The following TRIO variants were observed in gnomAD, a reference collection of about 807,000 sequenced individuals.
TRIO encodes the protein trio Rho guanine nucleotide exchange factor.
A neutral mutation model predicts 351.9 loss-of-function variants in TRIO; 58 were observed. That is an observed-to-expected ratio of 0.16 (90% confidence interval 0.13 to 0.21). The LOEUF is 0.21. Among genes scored for constraint, TRIO ranks in the 10% least tolerant of loss-of-function variants. TRIO has a pLI of 1.00. For missense variants in TRIO, 3,201 were observed against 4,027.8 expected (o/e 0.79, Z 5.56); for synonymous variants, 1,758 against 1,595.7 (o/e 1.10, Z -2.42).
chr5:14,270,322 C>G (rs2152269263), intron 1 of TRIO, among the ~76,000 whole-genome samples: 1 of 152,296 alleles, frequency 6.6e-6, no homozygotes, highest in African/African-American at 2.4e-5. Flanking sequence ...CAGGCCCCAG[C>G]TATTTATAAT....
chr5:14,502,480 C>CAGA, intron 53 of TRIO, 99 bp from the exon 54 acceptor site: 2 of 1,189,482 alleles, frequency 1.7e-6, no homozygotes, highest in East Asian at 4.8e-5. Context: ...TGCCCGGTGG[C>CAGA]CACGCGCAGC....
intron 34 of TRIO, among the ~76,000 whole-genome samples, chr5:14,426,187 C>T (rs1750624868): frequency 6.6e-6 from 1 of 151,984 alleles, no homozygotes; most frequent in Non-Finnish European, 1.5e-5. Flanking sequence ...TCAGCTTCCT[C>T]ACATGTCCAA....
intron 20 of TRIO, among the ~76,000 whole-genome samples, chr5:14,380,303 G>A (rs145160050): frequency 8.6e-6 from 1 of 115,736 alleles, no homozygotes; most frequent in African/African-American, 5.4e-5. Flanking sequence ...CCTCCTTCGC[G>A]CCCCGCCTCC....
intron 9 of TRIO, among the ~76,000 whole-genome samples, chr5:14,327,291 A>G (rs1438837555): frequency 1.3e-5 from 2 of 152,070 alleles, no homozygotes; most frequent in Admixed American, 6.5e-5. Context: ...CAGCCTCCCA[A>G]GTAGCTGGGA....
At chr5:14,304,826 G>A (rs954143041) in intron 8 of TRIO, among the ~76,000 whole-genome samples, 1 of 152,146 alleles carries the variant, frequency 6.6e-6, no homozygotes, top group East Asian at 1.9e-4. Context: ...GCGCTTATAT[G>A]CTCAGCTGCT....
intron 38 of TRIO, among the ~76,000 whole-genome samples, chr5:14,471,760 G>A (rs964449347): frequency 6.6e-6 from 1 of 152,148 alleles, no homozygotes; most frequent in Non-Finnish European, 1.5e-5. Context: ...TTGTACATGT[G>A]ATTGTGAAAG....
chr5:14,498,209 A>C lies in TRIO; in HGVS notation c.8168A>C (p.His2723Pro). Residue 2723 changes from histidine to proline, a missense_variant, in exon 52 of 57, where the codon CAC becomes CCC. This residue lies in a region of TRIO where 1,089 missense variants were observed against 954.9 expected (regional missense o/e 1.14). Transcript: ENST00000344204. ...TCAATTACCTGGAAGGGCCCTGAAC[A>C]CAACACCTTGAACAACGATGGTCAC... ...KASITWKGPE[H>P]NTLNNDGHYS... The C allele has an allele frequency of 6.2e-7, 1 of 1,614,240 alleles. No homozygotes were observed.
At chr5:14,224,445 GAAGA>G (rs1415086390) in intron 1 of TRIO, among the ~76,000 whole-genome samples, 1 of 151,980 alleles carries the variant, frequency 6.6e-6, no homozygotes, top group Non-Finnish European at 1.5e-5. Flanking sequence ...AGAATTAAGT[GAAGA>G]AAGAATATAC....
At chr5:14,482,497 G>A (rs1755602486) in intron 45 of TRIO, 85 bp from the exon 46 acceptor site, 2 of 1,074,040 alleles carry the variant, frequency 1.9e-6, no homozygotes, top group Admixed American at 3.7e-5. Context: ...TCCATAGGAG[G>A]AAATCTAAAG....
intron 11 of TRIO, among the ~76,000 whole-genome samples, chr5:14,339,315 A>G (rs1368665591): frequency 1.3e-5 from 2 of 152,216 alleles, no homozygotes; most frequent in Non-Finnish European, 2.9e-5. Context: ...TTTAAGGAAC[A>G]ATCTTCTAAT....
chr5:14,330,957 A>G, intron 10 of TRIO, 57 bp downstream of exon 10: 1 of 1,604,658 alleles, frequency 6.2e-7, no homozygotes, highest in Non-Finnish European at 8.5e-7. Context: ...TTGATTTTGG[A>G]TTACAGTTTT....
intron 11 of TRIO, among the ~76,000 whole-genome samples, chr5:14,339,996 T>G (rs1300218604): frequency 6.6e-6 from 1 of 152,252 alleles, no homozygotes; most frequent in Non-Finnish European, 1.5e-5. Flanking sequence ...TAAATGTATT[T>G]GCATATCAGA....
At chr5:14,370,375 G>A (rs187297105) in intron 18 of TRIO, among the ~76,000 whole-genome samples, 2 of 152,164 alleles carry the variant, frequency 1.3e-5, no homozygotes, top group Non-Finnish European at 2.9e-5. Context: ...GCAACATTTG[G>A]TGCTGAATGT....
chr5:14,218,638 G>A lies in TRIO; in HGVS notation c.158-52187G>A, dbSNP rs556261283. 2.6e-5 allele frequency among the ~76,000 whole-genome samples: 4 copies of A among 152,336 alleles called. No homozygotes were observed. In the East Asian group the frequency reaches 7.7e-4, roughly 29 times the overall value. ...GCTGCGCAGTGGGGCTGGAGCAGGG[G>A]CCCCTCCCCACAGAGCTGTGGCTTC... On this transcript the variant is annotated intron_variant, in intron 1 of 56. Transcript: ENST00000344204.
At chr5:14,242,104 T>C (rs1008954502) in intron 1 of TRIO, among the ~76,000 whole-genome samples, 2 of 152,216 alleles carry the variant, frequency 1.3e-5, no homozygotes, top group Admixed American at 6.5e-5. Flanking sequence ...GACAGAGATA[T>C]GGAAAAGTTA....
chr5:14,312,296 A>T (rs973719722), intron 8 of TRIO, among the ~76,000 whole-genome samples: 4 of 152,254 alleles, frequency 2.6e-5, no homozygotes, highest in African/African-American at 9.6e-5. Flanking sequence ...CATTTTAAAT[A>T]GTTATACTAC....
intron 31 of TRIO, among the ~76,000 whole-genome samples, chr5:14,403,792 GGTT>G (rs1748434546): frequency 7.9e-6 from 1 of 126,446 alleles, no homozygotes; most frequent in Non-Finnish European, 1.7e-5. Flanking sequence ...TGAGGGTGTA[GGTT>G]GTGGTGGTGA....
chr5:14,354,606 T>C (rs1211936754), intron 11 of TRIO, among the ~76,000 whole-genome samples: 2 of 152,228 alleles, frequency 1.3e-5, no homozygotes, highest in African/African-American at 4.8e-5. Flanking sequence ...GGCTGCAGGA[T>C]TGTAGAGTGT....
At chr5:14,194,902 T>C (rs1472233958) in intron 1 of TRIO, among the ~76,000 whole-genome samples, 2 of 152,252 alleles carry the variant, frequency 1.3e-5, no homozygotes, top group African/African-American at 2.4e-5. Flanking sequence ...ATACCACTTA[T>C]ACCCTTCTTT....
Sources: gnomAD v4.1 joint callset for allele counts (sites outside exome capture counted in the v4.1 genomes callset) on GRCh38, gnomAD v4.1.1 for gene constraint, gnomAD v4.1.1 regional missense constraint, MANE v1.5 for transcripts, NCBI Gene and HGNC (gene_info 2026-07-23, HGNC 2026-07-21) for gene names.